RNF10: variants seen among roughly 807,000 people sequenced by gnomAD.
RNF10 encodes ring finger protein 10.
In RNF10, 38 loss-of-function variants were observed where a neutral mutation model predicts 91.4. That is an observed-to-expected ratio of 0.42 (90% CI 0.32 to 0.54). RNF10 has a LOEUF of 0.54. Among genes scored for constraint, RNF10 ranks in the 20% least tolerant of loss-of-function variants. The pLI is 0.16. For synonymous variants in RNF10, 364 were observed against 366.3 expected, an observed-to-expected ratio of 0.99 and a Z score of 0.07; for missense variants, 945 against 1,012.0, an observed-to-expected ratio of 0.93 and a Z score of 0.90.
intron 6 of RNF10, among the ~76,000 whole-genome samples, chr12:120,560,373 C>T (rs1034643259): frequency 6.6e-6 from 1 of 151,764 alleles, no homozygotes; most frequent in South Asian, 2.1e-4. Flanking sequence ...AGGCTGGTCT[C>T]GAACTCTTGA....
In RNF10 at chr12:120,546,515, A is replaced by G; in HGVS notation, c.268A>G (p.Lys90Glu). The stretch of plus-strand genomic sequence containing the variant: ...CCGTCGCTCCAGTTCACAGAAAAGC[A>G]AGACTTTTAACAAGATGCCTCCTCA... ...QSRRSSSQKS[K>E]TFNKMPPQRG... is the part of the protein sequence containing the mutation. The change falls in exon 2 of 17, where the codon AAG becomes GAG. Residue 90 changes from lysine (K) to glutamate (E), a missense_variant. Transcript: ENST00000325954. The G allele has an allele frequency of 1.9e-6, 3 of 1,614,224 alleles. No individual in the cohort carries two copies. Among genetic ancestry groups the G allele is most frequent in the Non-Finnish European group, 2.5e-6 (3 of 1,180,034 alleles).
chr12:120,572,514 G>T (rs1876796644), intron 14 of RNF10, among the ~76,000 whole-genome samples: 1 of 152,210 alleles, frequency 6.6e-6, no homozygotes, highest in African/African-American at 2.4e-5. Context: ...TGAGAAGAGA[G>T]GGGGATCCTG....
intron 10 of RNF10, among the ~76,000 whole-genome samples, chr12:120,564,829 T>G (rs1875434358): frequency 6.6e-6 from 1 of 152,252 alleles, no homozygotes; most frequent in Non-Finnish European, 1.5e-5. Context: ...GATTATTTGT[T>G]GCTGGACTCA....
In RNF10 at chr12:120,572,122, C is replaced by T. The variant is rs116264015; in HGVS notation, c.2142+831C>T. Among the ~76,000 whole-genome samples, 181 of 151,278 alleles carry T rather than the reference C, an allele frequency of 1.2e-3. 2 individuals are homozygous for T. The highest frequency in any genetic ancestry group is 4.0e-3 in the African/African-American group (164 of 41,216). ...CTCCCTGTCCCCCAGGCTGGAGTTC[C>T]GTGGCGCGATCTTGGCTTGCTGTAA... On this transcript the variant is annotated intron_variant, in intron 14 of 16. Transcript: ENST00000325954.
At chr12:120,568,567 C>G (rs950004267) in intron 13 of RNF10, among the ~76,000 whole-genome samples, 1 of 151,730 alleles carries the variant, frequency 6.6e-6, no homozygotes, top group Non-Finnish European at 1.5e-5. Flanking sequence ...CCTCTGCCTC[C>G]CGGGTTCAAG....
In RNF10 at chr12:120,575,840, G is replaced by T. The variant is rs753670946; in HGVS notation, c.2249G>T (p.Ser750Ile). Reference protein sequence around the residue: ...PPAPVDSDGESDNSDRVPVPS... With the variant: ...PPAPVDSDGEIDNSDRVPVPS... ...GCCCCTGTGGACAGCGACGGGGAGA[G>T]TGATAATTCAGACCGTGTTCCTGTG... is the stretch of plus-strand genomic sequence containing the variant. Residue 750 changes from serine (S) to isoleucine (I), a missense_variant, in exon 16 of 17, where the codon AGT (serine) becomes ATT (isoleucine). Coordinates refer to ENST00000325954, the MANE Select transcript of RNF10 (RefSeq NM_014868.5). 3 of 1,614,092 alleles carry T rather than the reference G, an allele frequency of 1.9e-6. No homozygotes were observed. The highest frequency in any genetic ancestry group is 1.7e-6 in the Non-Finnish European group (2 of 1,180,038).
intron 3 of RNF10, among the ~76,000 whole-genome samples, 188 bp downstream of exon 3, chr12:120,552,886 G>T (rs1873327241): frequency 6.6e-6 from 1 of 151,954 alleles, no homozygotes; most frequent in African/African-American, 2.4e-5. Flanking sequence ...GATGTTTTTG[G>T]TACTTAATAT....
chr12:120,561,225 T>C (rs950635024), intron 7 of RNF10, among the ~76,000 whole-genome samples: 1 of 152,216 alleles, frequency 6.6e-6, no homozygotes, highest in African/African-American at 2.4e-5. Context: ...TTCTTTGTTT[T>C]CTGGGAAAAT....
intron 13 of RNF10, among the ~76,000 whole-genome samples, chr12:120,568,569 G>A (rs1876123339): frequency 6.6e-6 from 1 of 151,204 alleles, no homozygotes; most frequent in Admixed American, 6.6e-5. Context: ...TCTGCCTCCC[G>A]GGTTCAAGCG....
Position 120,557,590 on chromosome 12 carries a change from T to C in RNF10, c.875T>C (p.Ile292Thr). 1 of 1,614,164 alleles carries C rather than the reference T, an allele frequency of 6.2e-7. No individual in the cohort carries two copies. Among genetic ancestry groups the C allele is most frequent in the Non-Finnish European group, 8.5e-7 (1 of 1,180,026 alleles). The change falls in exon 6 of 17, where the codon ATT (isoleucine) becomes ACT (threonine). Residue 292 changes from isoleucine (I) to threonine (T), a missense_variant. Ile to Thr is a moderately conservative substitution (Grantham distance 89, BLOSUM62 -1). Transcript: ENST00000325954. Reference sequence around the variant, plus strand: ...CATCAGTATGTTGTTGGTGATACCATTACGATGCAGCTGATGAAGAGGGAG... The same window carrying C: ...CATCAGTATGTTGTTGGTGATACCACTACGATGCAGCTGATGAAGAGGGAG... The part of the protein sequence containing the change: ...ESHQYVVGDT[I>T]TMQLMKREKG...
chr12:120,543,294 C>T (rs542953676), intron 1 of RNF10, among the ~76,000 whole-genome samples: 29 of 152,044 alleles, frequency 1.9e-4, no homozygotes, highest in African/African-American at 5.3e-4. Flanking sequence ...ATAGGAATTC[C>T]GTAAAAGCTC....
At chr12:120,548,917 G>A (rs1196306055) in intron 2 of RNF10, among the ~76,000 whole-genome samples, 13 of 151,908 alleles carry the variant, frequency 8.6e-5, no homozygotes, top group Admixed American at 7.9e-4. Context: ...TGATCCGCCC[G>A]CTTCGGCCTC....
At chr12:120,547,511 C>T (rs1417193601) in intron 2 of RNF10, among the ~76,000 whole-genome samples, 1 of 152,124 alleles carries the variant, frequency 6.6e-6, no homozygotes, top group African/African-American at 2.4e-5. Flanking sequence ...CTAGGCTGCT[C>T]TTGAACTCCT....
intron 1 of RNF10, among the ~76,000 whole-genome samples, chr12:120,543,057 G>A (rs1358333327): frequency 6.6e-6 from 1 of 152,174 alleles, no homozygotes; most frequent in Non-Finnish European, 1.5e-5. Flanking sequence ...TGGGCGTGAA[G>A]TGGTTGCTTT....
Position 120,577,398 on chromosome 12 carries a change from G to C in RNF10, c.*732G>C. The C allele has an allele frequency of 3.0e-6, 1 of 331,356 alleles. No homozygotes were observed. The highest frequency in any genetic ancestry group is 5.9e-6 in the Non-Finnish European group (1 of 170,878). 20.5% of individuals were successfully genotyped at this position (331,356 alleles called of 1,614,324 possible). A position where few individuals can be genotyped will look rare whatever the true frequency, so the allele number is the denominator to read the frequency against. On this transcript the variant is annotated 3_prime_UTR_variant, in exon 17 of 17. Coordinates refer to ENST00000325954, the MANE Select transcript of RNF10 (RefSeq NM_014868.5). ...GCTTGAGTCATAGGAGGAGGAGTCT[G>C]GTACAGCTGCAGGAGAGCAGGGCCA...
chr12:120,575,463 G>T, intron 14 of RNF10, 168 bp from the exon 15 acceptor site: 2 of 695,700 alleles, frequency 2.9e-6, no homozygotes, highest in East Asian at 2.6e-5. Flanking sequence ...CATTAGCCAG[G>T]ATATAGAGGA....
Position 120,575,926 on chromosome 12 carries a change from C to G in RNF10, c.2335C>G (p.Pro779Ala), listed in dbSNP as rs771974880. 2.5e-6 allele frequency: 4 copies of G among 1,613,900 alleles called. No homozygotes were observed. The highest frequency in any genetic ancestry group is 3.4e-6 in the Non-Finnish European group (4 of 1,180,032). The change falls in exon 16 of 17, where the codon CCA (proline) becomes GCA (alanine). Residue 779 changes from proline (P) to alanine (A), a missense_variant. Pro to Ala is a conservative substitution (Grantham distance 27). Coordinates refer to ENST00000325954, the MANE Select transcript of RNF10 (RefSeq NM_014868.5). Reference protein sequence around the residue: ...IEAAFMKLDTPATSDPLSEEK... With the variant: ...IEAAFMKLDTAATSDPLSEEK... ...AGCAGCCTTCATGAAACTGGACACACCAGCTACTTCAGATCCCCTCTCTGG... is the reference window on the plus strand; with the variant it reads ...AGCAGCCTTCATGAAACTGGACACAGCAGCTACTTCAGATCCCCTCTCTGG...
At chr12:120,545,383 A>G (rs35696148) in intron 1 of RNF10, among the ~76,000 whole-genome samples, 12,613 of 145,182 alleles carry the variant, frequency 0.087, 687 homozygotes, top group Non-Finnish European at 0.11. Flanking sequence ...TAGTAGAGAC[A>G]GGATTTCACT....
At position 120,576,599 on chromosome 12, in the gene RNF10, G is replaced by A; in HGVS notation, c.2369G>A (p.Gly790Glu). ...ATSDPLSEEK[G>E]GKKRKKQKQK... is the part of the protein sequence containing the mutation. ...CTGTGTCTCCCTTTAGAAGAGAAAG[G>A]AGGAAAGAAAAGAAAAAAACAGAAA... The change falls in exon 17 of 17, where the codon GGA (glycine) becomes GAA (glutamate). Residue 790 changes from glycine to glutamate, a missense_variant. Coordinates refer to ENST00000325954, the MANE Select transcript of RNF10 (RefSeq NM_014868.5). 3 of 1,613,790 alleles carry A rather than the reference G, an allele frequency of 1.9e-6. No individual in the cohort carries two copies. Among genetic ancestry groups the A allele is most frequent in the Non-Finnish European group, 2.5e-6 (3 of 1,179,856 alleles).
Sources: gnomAD v4.1 joint callset for allele counts (sites outside exome capture counted in the v4.1 genomes callset) on GRCh38, gnomAD v4.1.1 for gene constraint, MANE v1.5 for transcripts, NCBI Gene and HGNC (gene_info 2026-07-23, HGNC 2026-07-21) for gene names.